The following CFAP70 variants were observed in gnomAD, a reference collection of about 807,000 sequenced individuals.
The protein encoded by CFAP70 is cilia and flagella associated protein 70, also known as cilia- and flagella-associated protein 70.
A neutral mutation model predicts 137.6 loss-of-function variants in CFAP70; 81 were observed. The observed-to-expected ratio is 0.59, with a 90% CI of 0.49 to 0.71. CFAP70 has a LOEUF of 0.71. CFAP70 is among the 30% of genes least tolerant of loss of function. CFAP70 has a pLI of 0.00. For missense variants in CFAP70, 976 were observed against 1,226.7 expected, an observed-to-expected ratio of 0.80 and a Z score of 3.05; for synonymous variants, 382 against 423.6, an observed-to-expected ratio of 0.90 and a Z score of 1.20.
chr10:73,356,111 T>C (rs1246590699), intron 1 of CFAP70, among the ~76,000 whole-genome samples: 2 of 152,200 alleles, frequency 1.3e-5, no homozygotes, highest in Non-Finnish European at 2.9e-5. Context: ...TTTAGTCAGA[T>C]ATACTGTCAA....
At chr10:73,258,735 A>G (rs1056244468) in intron 25 of CFAP70, among the ~76,000 whole-genome samples, 8 of 152,232 alleles carry the variant, frequency 5.3e-5, no homozygotes, top group Non-Finnish European at 1.5e-5. Flanking sequence ...TCCCAGGGGT[A>G]GGTCTCTAAA....
At chr10:73,320,913 C>T (rs892521945) in intron 9 of CFAP70, among the ~76,000 whole-genome samples, 14 of 152,146 alleles carry the variant, frequency 9.2e-5, no homozygotes, top group Middle Eastern at 6.8e-3. Flanking sequence ...GTGATCCGCC[C>T]GCCTCGGCCT....
intron 12 of CFAP70, among the ~76,000 whole-genome samples, chr10:73,300,195 A>C (rs2048846274): frequency 6.6e-6 from 1 of 152,168 alleles, no homozygotes. Context: ...GTGAGTAAAA[A>C]ACCACATTTT....
intron 11 of CFAP70, 64 bp downstream of exon 12, chr10:73,311,770 A>G: frequency 1.6e-6 from 2 of 1,244,134 alleles, no homozygotes; most frequent in South Asian, 2.5e-5. Context: ...TCCATTGAAA[A>G]TGCCTTGCTT....
At chr10:73,297,058 T>C (rs756756793) in exon 15 of CFAP70, 1 of 1,613,714 alleles carries the variant, frequency 6.2e-7, no homozygotes. Flanking sequence ...TAGGGCTACA[T>C]GCATCTGATC....
intron 26 of CFAP70, among the ~76,000 whole-genome samples, chr10:73,255,313 T>C (rs2044374339): frequency 6.6e-6 from 1 of 152,078 alleles, no homozygotes; most frequent in African/African-American, 2.4e-5. Flanking sequence ...GAGAATGGCC[T>C]GAACCCGGGA....
intron 9 of CFAP70, among the ~76,000 whole-genome samples, chr10:73,313,824 AGAGT>A (rs777138248): frequency 2.0e-4 from 30 of 152,352 alleles, no homozygotes; most frequent in Non-Finnish European, 3.5e-4. Context: ...CCTGGGCAAT[AGAGT>A]GAGACTCCGT....
At chr10:73,289,388 C>G (rs201872658) in intron 19 of CFAP70, among the ~76,000 whole-genome samples, 2 of 152,008 alleles carry the variant, frequency 1.3e-5, no homozygotes, top group South Asian at 2.1e-4. Context: ...TGGGTTCAAG[C>G]GATTCTCCTG....
intron 5 of CFAP70, among the ~76,000 whole-genome samples, chr10:73,344,125 G>C (rs537582223): frequency 4.7e-4 from 71 of 151,992 alleles, no homozygotes; most frequent in Admixed American, 9.2e-4. Context: ...ACCATACCCA[G>C]CTAATTTTTT....
chr10:73,299,748 A>G, intron 12 of CFAP70, 83 bp from the exon 14 acceptor site: 1 of 1,100,740 alleles, frequency 9.1e-7, no homozygotes, highest in Non-Finnish European at 1.3e-6. Flanking sequence ...CTTATCCTCA[A>G]AGTGTCTGGG....
intron 7 of CFAP70, among the ~76,000 whole-genome samples, chr10:73,332,487 C>T (rs1275930883): frequency 6.6e-6 from 1 of 152,118 alleles, no homozygotes; most frequent in Non-Finnish European, 1.5e-5. Flanking sequence ...CTAGCTTCCA[C>T]AGGGATAGGA....
intron 8 of CFAP70, among the ~76,000 whole-genome samples, chr10:73,328,014 A>G (rs1055376382): frequency 6.5e-4 from 99 of 152,302 alleles, no homozygotes; most frequent in African/African-American, 2.2e-3. Context: ...GAACCAAAAA[A>G]GAGCTCGCAT....
At chr10:73,323,848 C>T (rs2051120233) in intron 8 of CFAP70, among the ~76,000 whole-genome samples, 1 of 152,224 alleles carries the variant, frequency 6.6e-6, no homozygotes, top group Admixed American at 6.5e-5. Context: ...TGGAGCCCAC[C>T]ACAGCTCAAG....
chr10:73,337,549 T>C (rs886145342), intron 6 of CFAP70, among the ~76,000 whole-genome samples: 4 of 152,120 alleles, frequency 2.6e-5, no homozygotes, highest in African/African-American at 9.7e-5. Flanking sequence ...TCCCAACAGA[T>C]ACTAGTTCTG....
intron 9 of CFAP70, among the ~76,000 whole-genome samples, chr10:73,313,771 A>G (rs918503720): frequency 6.6e-6 from 1 of 152,178 alleles, no homozygotes; most frequent in Non-Finnish European, 1.5e-5. Flanking sequence ...TGAACCTGGG[A>G]GGCGGAGGTT....
intron 15 of CFAP70, 168 bp downstream of exon 16, chr10:73,296,874 A>T: frequency 1.6e-6 from 1 of 607,332 alleles, no homozygotes; most frequent in Non-Finnish European, 2.5e-6. Flanking sequence ...AATTAGTCTT[A>T]AACTGATTAG....
At chr10:73,286,198 A>G (rs2047692968) in intron 19 of CFAP70, among the ~76,000 whole-genome samples, 1 of 152,140 alleles carries the variant, frequency 6.6e-6, no homozygotes, top group Admixed American at 6.5e-5. Context: ...TAATCCCAGC[A>G]CTTTGGGAGG....
Position 73,277,061 on chromosome 10 carries a change from G to A in CFAP70, c.2520+179C>T, listed in dbSNP as rs2046810328. On this transcript the variant is annotated intron_variant, in intron 21 of 26. Coordinates refer to ENST00000310715, the Ensembl canonical transcript of CFAP70. ...AGAACTTGCAGCGAGGTCTTCTGCT[G>A]CCATGTGCAAAGAGTGGTTCATGTT... is the stretch of plus-strand genomic sequence containing the variant. 1.1e-5 allele frequency: 7 copies of A among 637,494 alleles called. No homozygotes were observed. In the South Asian group the frequency reaches 2.2e-4, roughly 20 times the overall value. 39.5% of individuals were successfully genotyped at this position (637,494 alleles called of 1,614,324 possible). A position where few individuals can be genotyped will look rare whatever the true frequency, so the allele number is the denominator to read the frequency against.
At chr10:73,298,845 G>C (rs1348364135) in intron 14 of CFAP70, 62 bp downstream of exon 15, 1 of 1,429,406 alleles carries the variant, frequency 7.0e-7, no homozygotes, top group Non-Finnish European at 9.8e-7. Flanking sequence ...AATGTGATGT[G>C]GGTATGTGGA....
Sources: gnomAD v4.1 joint callset for allele counts (sites outside exome capture counted in the v4.1 genomes callset) on GRCh38, gnomAD v4.1.1 for gene constraint, MANE v1.5 for transcripts, NCBI Gene and HGNC (gene_info 2026-07-23, HGNC 2026-07-21) for gene names.